Variants in TLK1 observed in about 807,000 individuals in gnomAD.
The protein encoded by TLK1 is tousled like kinase 1.
TLK1 carries 24 observed loss-of-function variants against 105.3 expected under a neutral mutation model. The observed-to-expected ratio is 0.23, with a 90% CI of 0.17 to 0.32. The LOEUF (loss-of-function observed/expected upper bound fraction) is 0.32, where lower values mean the gene tolerates loss of function less well. Ranked by LOEUF, TLK1 falls within the 10% of genes least tolerant of loss-of-function variation. The pLI, the probability that TLK1 is intolerant of heterozygous loss-of-function variation, is 1.00. For synonymous variants in TLK1, 321 were observed against 310.4 expected (o/e 1.03, Z -0.36); for missense variants, 558 against 910.5 (o/e 0.61, Z 4.98).
At chr2:171,103,388 C>A (rs1341979877) in intron 2 of TLK1, among the ~76,000 whole-genome samples, 2 of 151,748 alleles carry the variant, frequency 1.3e-5, no homozygotes, top group African/African-American at 4.9e-5. Context: ...AGCAATTCTC[C>A]TGCCTCGGAT....
At chr2:171,082,120 C>T (rs1186920878) in intron 3 of TLK1, among the ~76,000 whole-genome samples, 2 of 151,946 alleles carry the variant, frequency 1.3e-5, no homozygotes, top group Non-Finnish European at 2.9e-5. Flanking sequence ...CAAGCTGTAA[C>T]ATCAACAAAT....
intron 10 of TLK1, 31 bp downstream of exon 10, chr2:171,049,783 T>C: frequency 6.2e-7 from 1 of 1,610,422 alleles, no homozygotes; most frequent in Middle Eastern, 1.7e-4. Flanking sequence ...AAACGAATAC[T>C]AAAAACTTTT....
chr2:171,117,678 A>G (rs954908216), intron 2 of TLK1, 61 bp downstream of exon 2: 1 of 1,315,716 alleles, frequency 7.6e-7, no homozygotes, highest in African/African-American at 1.5e-5. Flanking sequence ...TCCTTTACAT[A>G]CTATTTTAGA....
intron 18 of TLK1, among the ~76,000 whole-genome samples, chr2:171,000,376 CAA>C (rs34800888): frequency 2.6e-3 from 202 of 78,338 alleles, no homozygotes; most frequent in East Asian, 6.7e-3. Context: ...GAAACTCTGT[CAA>C]AAAAAAAAAA....
intron 1 of TLK1, among the ~76,000 whole-genome samples, chr2:171,192,319 G>A (rs961564221): frequency 6.6e-6 from 1 of 152,086 alleles, no homozygotes. Flanking sequence ...GTGAGCCACC[G>A]GGACTGACGA....
intron 1 of TLK1, among the ~76,000 whole-genome samples, chr2:171,211,353 A>G (rs2105325487): frequency 6.6e-6 from 1 of 152,326 alleles, no homozygotes; most frequent in African/African-American, 2.4e-5. Context: ...TTGTCACGGT[A>G]AGTTCACTTC....
intron 2 of TLK1, among the ~76,000 whole-genome samples, chr2:171,105,604 T>C: frequency 6.6e-6 from 1 of 151,904 alleles, no homozygotes; most frequent in Non-Finnish European, 1.5e-5. Context: ...GAGAATCACT[T>C]GAAACCAGGA....
intron 12 of TLK1, among the ~76,000 whole-genome samples, chr2:171,022,635 C>T (rs1685582887): frequency 6.6e-6 from 1 of 152,130 alleles, no homozygotes; most frequent in East Asian, 1.9e-4. Context: ...AAGATTTCTT[C>T]CAGTCATGGC....
intron 1 of TLK1, among the ~76,000 whole-genome samples, chr2:171,174,743 T>C (rs1455915845): frequency 3.3e-5 from 5 of 152,216 alleles, no homozygotes; most frequent in East Asian, 1.9e-4. Context: ...GACTAAGTAA[T>C]GGTGATTGTG....
At chr2:171,108,498 A>G (rs2105515888) in intron 2 of TLK1, among the ~76,000 whole-genome samples, 1 of 152,378 alleles carries the variant, frequency 6.6e-6, no homozygotes, top group East Asian at 1.9e-4. Flanking sequence ...TGAGTCAGAA[A>G]ATAACAATAA....
chr2:171,217,573 T>C (rs1200046599), intron 1 of TLK1, among the ~76,000 whole-genome samples: 3 of 152,148 alleles, frequency 2.0e-5, no homozygotes, highest in Non-Finnish European at 4.4e-5. Context: ...CTCCCAAAGC[T>C]GATCATGAGG....
At chr2:171,074,175 G>C (rs60893563) in intron 3 of TLK1, among the ~76,000 whole-genome samples, 2 of 152,164 alleles carry the variant, frequency 1.3e-5, no homozygotes, top group Non-Finnish European at 2.9e-5. Flanking sequence ...ACAGGCATGA[G>C]CCGCCCCTCC....
At chr2:171,149,890 A>C (rs1368123742) in intron 1 of TLK1, among the ~76,000 whole-genome samples, 2 of 152,152 alleles carry the variant, frequency 1.3e-5, no homozygotes, top group East Asian at 3.8e-4. Context: ...CTGGGTGACA[A>C]AGTGAGACCT....
At position 171,108,337 on chromosome 2, in the gene TLK1, T is replaced by A. The variant is rs1690021790; in HGVS notation, c.258+9402A>T. ...AGCATTTTTAGTGTTATAATGACACTCTATACTCATATACTATACACTACA... is the reference window on the plus strand; with the variant it reads ...AGCATTTTTAGTGTTATAATGACACACTATACTCATATACTATACACTACA... On this transcript the variant is annotated intron_variant, in intron 2 of 20. Coordinates refer to ENST00000431350, the MANE Select transcript of TLK1 (RefSeq NM_012290.5). 2.6e-5 allele frequency among the ~76,000 whole-genome samples: 4 copies of A among 151,976 alleles called. No homozygotes were observed. The South Asian group carries it at 8.4e-4, about 32-fold the overall frequency.
intron 13 of TLK1, 48 bp from the exon 14 acceptor site, chr2:171,011,502 A>C (rs1171397925): frequency 1.3e-6 from 2 of 1,522,160 alleles, no homozygotes; most frequent in Admixed American, 3.6e-5. Context: ...CACACATAAA[A>C]ATTCCTTCTA....
In TLK1 at chr2:171,056,392, AAAC is replaced by A. The variant is rs532349883; in HGVS notation, c.549+76_549+78del. The stretch of plus-strand genomic sequence containing the variant: ...TATTTATATAGAAGTTCTCAATAAA[AAAC>A]AACAAATTATAAAACTTATTCAGTG... On this transcript the variant is annotated intron_variant, in intron 6 of 20. Transcript: ENST00000431350. The A allele has an allele frequency of 1.4e-4, 172 of 1,187,506 alleles. 1 individual carries two copies. Among genetic ancestry groups the A allele is most frequent in the South Asian group, 1.4e-3 (97 of 70,662 alleles). The allele number at this position is 1,187,506 out of a possible 1,614,324, so 73.6% of individuals were successfully genotyped here.
intron 1 of TLK1, among the ~76,000 whole-genome samples, chr2:171,166,344 A>T (rs769387502): frequency 1.3e-5 from 2 of 152,258 alleles, no homozygotes; most frequent in Non-Finnish European, 2.9e-5. Context: ...CCAACCAACT[A>T]CCTACACAGC....
chr2:171,228,030 G>A (rs767782051), intron 1 of TLK1, among the ~76,000 whole-genome samples: 7 of 152,190 alleles, frequency 4.6e-5, no homozygotes, highest in Middle Eastern at 3.4e-3. Flanking sequence ...ACAAAAATTA[G>A]CCAGGTGTGG....
intron 11 of TLK1, among the ~76,000 whole-genome samples, chr2:171,031,983 G>C (rs1686067488): frequency 6.6e-6 from 1 of 152,276 alleles, no homozygotes; most frequent in Non-Finnish European, 1.5e-5. Flanking sequence ...AGCTACTCAG[G>C]AGGCCGAGGC....
Sources: allele counts gnomAD v4.1 joint callset (sites outside exome capture counted in the v4.1 genomes callset), GRCh38; gene constraint gnomAD v4.1.1; transcripts MANE v1.5; gene names NCBI Gene and HGNC (gene_info 2026-07-23, HGNC 2026-07-21).